The following APLF variants were observed in gnomAD, a reference collection of about 807,000 sequenced individuals.
The protein encoded by APLF is aprataxin and PNK-like factor.
In APLF, 61 loss-of-function variants were observed where a neutral mutation model predicts 55.6. The ratio of observed to expected loss-of-function variants is 1.10; its 90% CI spans 0.89 to 1.36. The LOEUF is 1.36. Among genes scored for constraint, APLF ranks in the 40% most tolerant of loss-of-function variants. APLF has a pLI of 0.00. For missense variants in APLF, 611 were observed against 602.5 expected (o/e 1.01, Z -0.15); for synonymous variants, 207 against 214.8 (o/e 0.96, Z 0.32).
intron 8 of APLF, among the ~76,000 whole-genome samples, chr2:68,556,366 A>G (rs1262512742): frequency 2.6e-5 from 4 of 152,210 alleles, no homozygotes; most frequent in African/African-American, 7.2e-5. Flanking sequence ...AAAAAATTTA[A>G]TAAAAAAAGG....
chr2:68,534,589 C>G (rs943655131), intron 6 of APLF, among the ~76,000 whole-genome samples: 6 of 152,096 alleles, frequency 3.9e-5, no homozygotes, highest in Non-Finnish European at 7.4e-5. Context: ...CCTCCAAACA[C>G]CCAGGTCACC....
intron 1 of APLF, among the ~76,000 whole-genome samples, chr2:68,487,492 G>T (rs1268248864): frequency 6.6e-6 from 1 of 152,062 alleles, no homozygotes; most frequent in African/African-American, 2.4e-5. Flanking sequence ...TATAATAATA[G>T]TATCTTCACA....
chr2:68,568,650 T>C (rs1015660045), intron 9 of APLF, among the ~76,000 whole-genome samples: 1 of 152,160 alleles, frequency 6.6e-6, no homozygotes, highest in African/African-American at 2.4e-5. Context: ...TTTGACACAT[T>C]TATATAACTT....
In APLF at chr2:68,513,089, A is replaced by G. The variant is rs750389791; in HGVS notation, c.351A>G (p.Gln117=). The G allele has an allele frequency of 3.1e-6, 5 of 1,605,392 alleles. No individual in the cohort carries two copies. The highest frequency in any genetic ancestry group is 1.3e-5 in the African/African-American group (1 of 74,424). The change falls in exon 4 of 10, where the codon CAA becomes CAG. Residue 117 remains glutamine (Q), a synonymous_variant. Coordinates refer to ENST00000303795, the MANE Select transcript of APLF (RefSeq NM_173545.3). ...VEMQCTLRNS[Q]VLDEDNILNE... is the part of the protein sequence containing the mutation. ...CTATTTTATCTTATAGAAACAGTCA[A>G]GTGCTTGATGAAGATAATATATTGA...
At chr2:68,492,329 T>C (rs954898036) in intron 2 of APLF, among the ~76,000 whole-genome samples, 2 of 151,856 alleles carry the variant, frequency 1.3e-5, no homozygotes, top group Non-Finnish European at 2.9e-5. Context: ...ATACAAAAAA[T>C]TAGCCGGGCA....
chr2:68,494,766 T>C (rs1426255076), intron 2 of APLF, among the ~76,000 whole-genome samples: 9 of 152,192 alleles, frequency 5.9e-5, no homozygotes, highest in African/African-American at 2.2e-4. Context: ...TGGTTTTCTG[T>C]TCCTGCATTA....
intron 1 of APLF, among the ~76,000 whole-genome samples, chr2:68,476,378 G>A (rs1014219540): frequency 3.3e-5 from 5 of 151,416 alleles, no homozygotes; most frequent in African/African-American, 1.2e-4. Flanking sequence ...AGCTACTTGG[G>A]AGGCGGAGGC....
chr2:68,512,286 A>G (rs1462202525), intron 3 of APLF, among the ~76,000 whole-genome samples: 1 of 151,744 alleles, frequency 6.6e-6, no homozygotes, highest in Non-Finnish European at 1.5e-5. Context: ...TGTCATATAA[A>G]TGGAGTAATA....
chr2:68,559,912 T>G (rs1163131829), intron 8 of APLF, among the ~76,000 whole-genome samples: 1 of 152,168 alleles, frequency 6.6e-6, no homozygotes, highest in African/African-American at 2.4e-5. Flanking sequence ...ACAAGTTCCC[T>G]GACTTCATTT....
chr2:68,545,336 G>A, intron 8 of APLF, 24 bp downstream of exon 8: 2 of 1,595,836 alleles, frequency 1.3e-6, no homozygotes, highest in South Asian at 1.1e-5. Flanking sequence ...ATGTTTGGCT[G>A]CACTCCTTTT....
rs149413461 is a variant in APLF, at chr2:68,577,803, A to G, written c.1334-17A>G. 631 of 1,612,544 alleles carry G rather than the reference A, an allele frequency of 3.9e-4. No individual in the cohort carries two copies. The highest frequency in any genetic ancestry group is 5.0e-4 in the Non-Finnish European group (592 of 1,179,006). On this transcript the variant is annotated splice_polypyrimidine_tract_variant and intron_variant, in intron 9 of 9. Transcript: ENST00000303795. ...AGTGGTGATTGATGTGTTGTGTACC[A>G]ATCTTCTGTTTTGCAGTGAGAAATG...
intron 8 of APLF, among the ~76,000 whole-genome samples, chr2:68,561,912 A>G (rs977394732): frequency 9.2e-5 from 14 of 152,084 alleles, no homozygotes; most frequent in Admixed American, 9.2e-4. Flanking sequence ...TCCAGAAATT[A>G]TTAGAAACTG....
chr2:68,479,111 A>G (rs1675872707), intron 1 of APLF, among the ~76,000 whole-genome samples: 1 of 152,108 alleles, frequency 6.6e-6, no homozygotes, highest in South Asian at 2.1e-4. Context: ...TTTCCCCCAA[A>G]CACAGCATCT....
At chr2:68,574,843 T>C (rs564007199) in intron 9 of APLF, among the ~76,000 whole-genome samples, 1 of 152,318 alleles carries the variant, frequency 6.6e-6, no homozygotes, top group East Asian at 1.9e-4. Flanking sequence ...AGGCTAGTGA[T>C]CAAAAGTGTA....
At chr2:68,575,622 A>T (rs1671599405) in intron 9 of APLF, among the ~76,000 whole-genome samples, 1 of 151,802 alleles carries the variant, frequency 6.6e-6, no homozygotes, top group African/African-American at 2.4e-5. Context: ...TTGCAGGTAA[A>T]GCTAACAGGA....
chr2:68,560,565 A>G (rs1000575621), intron 8 of APLF, among the ~76,000 whole-genome samples: 1 of 152,176 alleles, frequency 6.6e-6, no homozygotes, highest in African/African-American at 2.4e-5. Flanking sequence ...ATGCACCTAC[A>G]TCATTAAAAT....
intron 8 of APLF, among the ~76,000 whole-genome samples, chr2:68,554,055 G>C (rs1171403117): frequency 1.3e-5 from 2 of 151,888 alleles, no homozygotes; most frequent in African/African-American, 4.8e-5. Context: ...ACATTTATAT[G>C]GTAGTATATT....
intron 5 of APLF, among the ~76,000 whole-genome samples, chr2:68,518,995 TA>T (rs1452669877): frequency 8.1e-6 from 1 of 123,578 alleles, no homozygotes; most frequent in East Asian, 2.1e-4. Context: ...CAATATCTGA[TA>T]ATATATTATT....
At chr2:68,485,240 A>T (rs968408611) in intron 1 of APLF, among the ~76,000 whole-genome samples, 4 of 152,036 alleles carry the variant, frequency 2.6e-5, no homozygotes, top group Non-Finnish European at 4.4e-5. Flanking sequence ...TTTTAATTTA[A>T]TCTAGAACGG....
Sources: allele counts gnomAD v4.1 joint callset (sites outside exome capture counted in the v4.1 genomes callset), GRCh38; gene constraint gnomAD v4.1.1; transcripts MANE v1.5; gene names NCBI Gene and HGNC (gene_info 2026-07-23, HGNC 2026-07-21).